The following ASTN1 variants were observed in gnomAD, a reference collection of about 807,000 sequenced individuals.
The protein encoded by ASTN1 is astrotactin-1.
ASTN1 carries 41 observed loss-of-function variants against 140.7 expected under a neutral mutation model. The observed-to-expected ratio is 0.29, with a 90% confidence interval of 0.23 to 0.38. The LOEUF is 0.38. Among genes scored for constraint, ASTN1 ranks in the 10% least tolerant of loss-of-function variants. The pLI is 1.00. For missense variants in ASTN1, 1,479 were observed against 1,678.8 expected, an observed-to-expected ratio of 0.88 and a Z score of 2.08; for synonymous variants, 640 against 652.2, an observed-to-expected ratio of 0.98 and a Z score of 0.29.
intron 1 of ASTN1, among the ~76,000 whole-genome samples, chr1:177,124,186 C>T (rs145654604): frequency 6.6e-6 from 1 of 152,236 alleles, no homozygotes; most frequent in East Asian, 1.9e-4. Context: ...CAGCTTCAAG[C>T]AGGTAGCCAG....
intron 1 of ASTN1, among the ~76,000 whole-genome samples, chr1:177,103,767 T>A (rs1463698534): frequency 1.3e-5 from 2 of 151,852 alleles, no homozygotes; most frequent in Non-Finnish European, 2.9e-5. Flanking sequence ...CCCTGAAAAG[T>A]GGGTATTATC....
chr1:176,949,858 G>A (rs1370849334), intron 11 of ASTN1, among the ~76,000 whole-genome samples: 3 of 152,216 alleles, frequency 2.0e-5, no homozygotes, highest in East Asian at 1.9e-4. Flanking sequence ...CAGCCTGAAG[G>A]AGGAAGTGAA....
intron 2 of ASTN1, among the ~76,000 whole-genome samples, chr1:177,051,319 G>A (rs1238937991): frequency 6.6e-6 from 1 of 152,236 alleles, no homozygotes; most frequent in Non-Finnish European, 1.5e-5. Flanking sequence ...CTAGATTGAG[G>A]TCAGCAAACC....
At chr1:177,132,695 ATAAAATTCC>A (rs548876493) in intron 1 of ASTN1, among the ~76,000 whole-genome samples, 73 of 152,306 alleles carry the variant, frequency 4.8e-4, no homozygotes, top group African/African-American at 1.7e-3. Flanking sequence ...AACAGAGCTA[ATAAAATTCC>A]ACTCTGCAAG....
intron 19 of ASTN1, among the ~76,000 whole-genome samples, chr1:176,883,230 TC>T (rs1204065624): frequency 2.7e-5 from 4 of 148,392 alleles, no homozygotes; most frequent in Admixed American, 6.7e-5. Context: ...CCTGAGAGCT[TC>T]TTTTTTTTTT....
intron 1 of ASTN1, among the ~76,000 whole-genome samples, chr1:177,133,771 TG>T (rs1682047834): frequency 6.6e-6 from 1 of 152,176 alleles, no homozygotes; most frequent in Non-Finnish European, 1.5e-5. Flanking sequence ...ATTTTTGAAG[TG>T]GGGAAAATGA....
chr1:176,876,938 T>C (rs942855817), intron 20 of ASTN1, among the ~76,000 whole-genome samples: 5 of 152,170 alleles, frequency 3.3e-5, no homozygotes, highest in African/African-American at 9.7e-5. Context: ...AGGACCAGCA[T>C]TACCTGGGAA....
At chr1:176,883,392 C>T (rs1668891910) in intron 19 of ASTN1, among the ~76,000 whole-genome samples, 1 of 152,152 alleles carries the variant, frequency 6.6e-6, no homozygotes, top group African/African-American at 2.4e-5. Context: ...GCCGGGGTTT[C>T]ACCATGTTGG....
chr1:176,882,008 T>C (rs527289220), intron 20 of ASTN1, among the ~76,000 whole-genome samples: 4 of 152,364 alleles, frequency 2.6e-5, no homozygotes, highest in African/African-American at 9.6e-5. Context: ...AATTCTGCCT[T>C]AGCACCCAAA....
intron 8 of ASTN1, among the ~76,000 whole-genome samples, chr1:176,985,845 T>C (rs867468462): frequency 1.3e-4 from 17 of 129,742 alleles, no homozygotes; most frequent in Admixed American, 1.5e-4. Flanking sequence ...TCTCTCTCTC[T>C]ACACACACAC....
At chr1:176,954,981 C>T (rs909833386) in intron 11 of ASTN1, among the ~76,000 whole-genome samples, 6 of 152,174 alleles carry the variant, frequency 3.9e-5, no homozygotes, top group East Asian at 1.9e-4. Context: ...GCAGCCTATG[C>T]GGACCAAACA....
At chr1:176,934,376 G>A in intron 15 of ASTN1, 36 bp from the exon 16 acceptor site, 4 of 1,555,950 alleles carry the variant, frequency 2.6e-6, no homozygotes, top group Non-Finnish European at 2.6e-6. Flanking sequence ...AAGAATGAGG[G>A]CTCAGATTTT....
intron 1 of ASTN1, among the ~76,000 whole-genome samples, chr1:177,157,321 T>A (rs1010959586): frequency 6.6e-6 from 1 of 151,836 alleles, no homozygotes; most frequent in Non-Finnish European, 1.5e-5. Context: ...TGTTGTTGTT[T>A]GTTTTGTTTT....
At chr1:177,007,902 G>A (rs1177376871) in intron 8 of ASTN1, among the ~76,000 whole-genome samples, 2 of 152,218 alleles carry the variant, frequency 1.3e-5, no homozygotes, top group African/African-American at 2.4e-5. Flanking sequence ...AGCAAGCATG[G>A]GTTGGGTTTT....
chr1:177,014,849 T>C lies in ASTN1; in HGVS notation c.1465A>G (p.Met489Val), dbSNP rs928729398. The change falls in exon 8 of 23, where the codon ATG becomes GTG. Residue 489 changes from methionine to valine, a missense_variant. This residue lies in a region of ASTN1 where 729 missense variants were observed against 860.4 expected (regional missense o/e 0.85). Coordinates refer to ENST00000361833, the MANE Select transcript of ASTN1 (RefSeq NM_004319.3). ...AGGTGCTTATGTACTGGATCCTTCA[T>C]GTAGCCTTCATAGCAGAGGCATTCC... ...TGECLCYEGY[M>V]KDPVHKHLCI... 6.2e-7 allele frequency: 1 copy of C among 1,613,818 alleles called. No homozygotes were observed. Among genetic ancestry groups the C allele is most frequent in the Non-Finnish European group, 8.5e-7 (1 of 1,179,764 alleles).
chr1:177,107,240 T>G (rs1432346531), intron 1 of ASTN1, among the ~76,000 whole-genome samples: 1 of 151,894 alleles, frequency 6.6e-6, no homozygotes, highest in South Asian at 2.1e-4. Context: ...TGGTAGAGGG[T>G]TCATAGCTCA....
intron 7 of ASTN1, among the ~76,000 whole-genome samples, chr1:177,019,762 C>T (rs1675726011): frequency 6.6e-6 from 1 of 152,190 alleles, no homozygotes; most frequent in South Asian, 2.1e-4. Flanking sequence ...CAAGTATTCT[C>T]CAGCTCCAGT....
At chr1:177,048,480 C>T (rs1418314731) in intron 2 of ASTN1, among the ~76,000 whole-genome samples, 1 of 152,198 alleles carries the variant, frequency 6.6e-6, no homozygotes, top group Non-Finnish European at 1.5e-5. Flanking sequence ...GAAACAATCA[C>T]TTCCATAAGA....
intron 2 of ASTN1, among the ~76,000 whole-genome samples, chr1:177,060,580 G>A (rs566830714): frequency 4.6e-5 from 7 of 152,220 alleles, no homozygotes; most frequent in Middle Eastern, 3.4e-3. Context: ...GTGCAATCTC[G>A]GCTCACTGCA....
Sources: gnomAD v4.1 joint callset for allele counts (sites outside exome capture counted in the v4.1 genomes callset) on GRCh38, gnomAD v4.1.1 for gene constraint, gnomAD v4.1.1 regional missense constraint, MANE v1.5 for transcripts, NCBI Gene and HGNC (gene_info 2026-07-23, HGNC 2026-07-21) for gene names.